FOXK2: variants seen among roughly 807,000 people sequenced by gnomAD.
FOXK2 encodes forkhead box K2, also known as forkhead box protein K2.
FOXK2 carries 24 observed loss-of-function variants against 53.3 expected under a neutral mutation model. That is an observed-to-expected ratio of 0.45 (90% CI 0.33 to 0.63). The LOEUF is 0.63. Ranked by LOEUF, FOXK2 falls within the 30% of genes least tolerant of loss-of-function variation. The pLI, the probability that FOXK2 is intolerant of heterozygous loss-of-function variation, is 0.03. For missense variants in FOXK2, 952 were observed against 910.5 expected (o/e 1.05, Z -0.59); for synonymous variants, 505 against 407.1 (o/e 1.24, Z -2.89).
Position 82,601,605 on chromosome 17 carries a change from C to A in FOXK2, c.*106C>A. The A allele has an allele frequency of 8.4e-7, 1 of 1,190,362 alleles. No homozygotes were observed. The highest frequency in any genetic ancestry group is 1.6e-5 in the South Asian group (1 of 62,818). 73.7% of individuals were successfully genotyped at this position (1,190,362 alleles called of 1,614,324 possible). ...GCAGGGCCCTGTGGTTGGACTTCAC[C>A]TCTCAGCACTGAAAACCCAAAACCC... On this transcript the variant is annotated 3_prime_UTR_variant, in exon 9 of 9. Transcript: ENST00000335255.
In FOXK2 at chr17:82,586,027, T is replaced by G. The variant is rs1229978473; in HGVS notation, c.1403T>G (p.Val468Gly). ...VTTSTSQPPV[V>G]QTVHVVHQIP... ...ACCTCGACCTCCCAGCCACCCGTCG[T>G]GCAGACGGTTCACGTCGTCCACCAG... The change falls in exon 7 of 9, where the codon GTG becomes GGG. Residue 468 changes from valine (V) to glycine (G), a missense_variant. Coordinates refer to ENST00000335255, the MANE Select transcript of FOXK2 (RefSeq NM_004514.4). 2 of 1,612,848 alleles carry G rather than the reference T, an allele frequency of 1.2e-6. No individual in the cohort carries two copies. The highest frequency in any genetic ancestry group is 3.3e-5 in the Admixed American group (2 of 60,024).
chr17:82,594,741 T>G (rs1221559344), intron 8 of FOXK2, among the ~76,000 whole-genome samples: 1 of 152,100 alleles, frequency 6.6e-6, no homozygotes, highest in Non-Finnish European at 1.5e-5. Flanking sequence ...GGAACTTAGT[T>G]CTTTCCCTAA....
At chr17:82,559,242 T>C (rs1450179120) in intron 1 of FOXK2, 1 of 406,288 alleles carries the variant, frequency 2.5e-6, no homozygotes, top group Non-Finnish European at 5.1e-6. Flanking sequence ...TATGTGGATG[T>C]GGAGTGCGGT....
intron 1 of FOXK2, among the ~76,000 whole-genome samples, chr17:82,543,994 T>G (rs2044598154): frequency 6.6e-6 from 1 of 152,100 alleles, no homozygotes; most frequent in Admixed American, 6.6e-5. Flanking sequence ...GCCAGGATGG[T>G]CTCAATCTCC....
chr17:82,589,603 C>T (rs1221582658), intron 8 of FOXK2, among the ~76,000 whole-genome samples: 7 of 151,638 alleles, frequency 4.6e-5, no homozygotes, highest in African/African-American at 1.5e-4. Context: ...CCTGTTTCCA[C>T]TCAGGAAGGA....
chr17:82,592,809 G>C (rs934794597), intron 8 of FOXK2, among the ~76,000 whole-genome samples: 8 of 152,196 alleles, frequency 5.3e-5, no homozygotes, highest in Admixed American at 2.0e-4. Flanking sequence ...CCCAGTTCGC[G>C]CTGGCAGAGG....
At chr17:82,528,697 G>A (rs781472316) in intron 1 of FOXK2, among the ~76,000 whole-genome samples, 1 of 152,178 alleles carries the variant, frequency 6.6e-6, no homozygotes, top group East Asian at 1.9e-4. Flanking sequence ...CAGCCCCTGC[G>A]GCCCTGCTTT....
At chr17:82,533,721 C>A (rs1303948101) in intron 1 of FOXK2, among the ~76,000 whole-genome samples, 1 of 152,012 alleles carries the variant, frequency 6.6e-6, no homozygotes, top group Non-Finnish European at 1.5e-5. Flanking sequence ...ACGGGACCCT[C>A]ATATATGCGG....
intron 1 of FOXK2, among the ~76,000 whole-genome samples, chr17:82,520,831 G>C (rs182713460): frequency 6.6e-6 from 1 of 152,146 alleles, no homozygotes; most frequent in African/African-American, 2.4e-5. Flanking sequence ...TTTCCCTGCC[G>C]TGTTTTCAGT....
At chr17:82,581,641 A>C (rs2045061947) in intron 4 of FOXK2, among the ~76,000 whole-genome samples, 1 of 151,948 alleles carries the variant, frequency 6.6e-6, no homozygotes, top group African/African-American at 2.4e-5. Flanking sequence ...ACGCCCCGCT[A>C]ATTTTTCGTA....
intron 1 of FOXK2, among the ~76,000 whole-genome samples, chr17:82,544,762 G>A (rs1204028355): frequency 6.6e-6 from 1 of 152,158 alleles, no homozygotes; most frequent in Non-Finnish European, 1.5e-5. Context: ...GCAAGTCGCT[G>A]TGGGAGGGGT....
At position 82,526,809 on chromosome 17, in the gene FOXK2, C is replaced by T. The variant is rs556999431; in HGVS notation, c.419+6502C>T. ...TCGCGCCACTGCACTCCAACCTGGG[C>T]GACAGAGCGAGACTCCGTCTCAAAA... On this transcript the variant is annotated intron_variant, in intron 1 of 8. Coordinates refer to ENST00000335255, the MANE Select transcript of FOXK2 (RefSeq NM_004514.4). Among the ~76,000 whole-genome samples, 11 of 146,518 alleles carry T rather than the reference C, an allele frequency of 7.5e-5. 1 individual carries two copies. The South Asian group carries it at 1.7e-3, about 23-fold the overall frequency.
chr17:82,571,795 G>A lies in FOXK2; in HGVS notation c.834G>A (p.Gln278=), dbSNP rs1350644300. The change falls in exon 4 of 9, where the codon CAG becomes CAA. Residue 278 remains glutamine, a synonymous_variant. Coordinates refer to ENST00000335255, the MANE Select transcript of FOXK2 (RefSeq NM_004514.4). ...VQAITMAPDK[Q]LTLNGIYTHI... is the part of the protein sequence containing the mutation. ...CGATTACGATGGCTCCCGACAAACA[G>A]CTCACCCTGAACGGGATTTATACAC... 2.5e-6 allele frequency: 4 copies of A among 1,603,976 alleles called. No individual in the cohort carries two copies. Among genetic ancestry groups the A allele is most frequent in the Admixed American group, 1.7e-5 (1 of 58,084 alleles).
rs2045380774 is a variant in FOXK2, at chr17:82,601,338, G to A, written c.1822G>A (p.Ala608Thr). 6 of 1,612,974 alleles carry A rather than the reference G, an allele frequency of 3.7e-6. No individual in the cohort carries two copies. The highest frequency in any genetic ancestry group is 1.1e-5 in the South Asian group (1 of 91,048). The change falls in exon 9 of 9, where the codon GCA (alanine) becomes ACA (threonine). Residue 608 changes from alanine to threonine, a missense_variant. Ala to Thr is a moderately conservative substitution (Grantham distance 58). Coordinates refer to ENST00000335255, the MANE Select transcript of FOXK2 (RefSeq NM_004514.4). ...TCCTTTGCACATGTTGGCAACACAC[G>A]CATCCGCATCGGCCTCCCTGCCCAC... ...ASPLHMLATH[A>T]SASASLPTKR...
rs533967080 is a variant in FOXK2, at chr17:82,533,938, A to G, written c.419+13631A>G. ...CACTTGGGCCCAAGAGGTGGAGGCT[A>G]TAGGGAGCCGAGATCACACCGGTGC... On this transcript the variant is annotated intron_variant, in intron 1 of 8. Coordinates refer to ENST00000335255, the MANE Select transcript of FOXK2 (RefSeq NM_004514.4). 4.0e-5 allele frequency among the ~76,000 whole-genome samples: 6 copies of G among 151,140 alleles called. No homozygotes were observed. The East Asian group carries it at 1.2e-3, about 30-fold the overall frequency.
At chr17:82,535,852 C>T (rs1383237357) in intron 1 of FOXK2, among the ~76,000 whole-genome samples, 3 of 151,170 alleles carry the variant, frequency 2.0e-5, no homozygotes, top group African/African-American at 4.9e-5. Context: ...AAGCGATTCT[C>T]CCGCCTCAGC....
At chr17:82,584,287 T>C in intron 6 of FOXK2, 99 bp downstream of exon 6, 1 of 1,272,322 alleles carries the variant, frequency 7.9e-7, no homozygotes, top group African/African-American at 1.5e-5. Context: ...GAGGCCTGCC[T>C]GTCCCTCTGT....
intron 1 of FOXK2, among the ~76,000 whole-genome samples, chr17:82,522,617 C>A (rs75642771): frequency 1.3e-5 from 2 of 151,746 alleles, no homozygotes; most frequent in South Asian, 2.1e-4. Flanking sequence ...ATGATCTGCC[C>A]GCCTCGGCCT....
intron 1 of FOXK2, chr17:82,559,490 G>A (rs760304744): frequency 1.1e-5 from 5 of 456,210 alleles, no homozygotes; most frequent in South Asian, 7.7e-5. Context: ...GGTATGAGAG[G>A]GTGGGTGGTC....
Sources: allele counts gnomAD v4.1 joint callset (sites outside exome capture counted in the v4.1 genomes callset), GRCh38; gene constraint gnomAD v4.1.1; transcripts MANE v1.5; gene names NCBI Gene and HGNC (gene_info 2026-07-23, HGNC 2026-07-21).